HOMER2: variants seen among roughly 807,000 people sequenced by gnomAD.
HOMER2 encodes homer scaffold protein 2, also known as homer protein homolog 2.
Under a neutral mutation model 47.0 loss-of-function variants are expected in HOMER2, and 27 were observed. The ratio of observed to expected loss-of-function variants is 0.57; its 90% CI spans 0.42 to 0.79. The LOEUF is 0.79. HOMER2 is among the 30% of genes least tolerant of loss of function. The pLI is 0.00. For synonymous variants in HOMER2, 161 were observed against 163.8 expected, an observed-to-expected ratio of 0.98 and a Z score of 0.13; for missense variants, 443 against 435.0, an observed-to-expected ratio of 1.02 and a Z score of -0.16.
chr15:82,873,104 C>T (rs1294829266), intron 3 of HOMER2, among the ~76,000 whole-genome samples: 8 of 152,114 alleles, frequency 5.3e-5, no homozygotes, highest in African/African-American at 1.9e-4. Context: ...GAAAAAGGCA[C>T]CAAATGGCCT....
At chr15:82,864,115 G>T in intron 4 of HOMER2, 52 bp downstream of exon 4, 1 of 1,146,874 alleles carries the variant, frequency 8.7e-7, no homozygotes, top group Non-Finnish European at 1.3e-6. Flanking sequence ...AAGGAACAAA[G>T]AGTCCCTATC....
intron 1 of HOMER2, among the ~76,000 whole-genome samples, chr15:82,928,057 C>T (rs1005951811): frequency 6.6e-6 from 1 of 151,968 alleles, no homozygotes; most frequent in Admixed American, 6.5e-5. Flanking sequence ...GGGATGACTG[C>T]GGGCCCGGCC....
chr15:82,964,308 A>G (rs1023739801), intron 1 of HOMER2, among the ~76,000 whole-genome samples: 1 of 151,812 alleles, frequency 6.6e-6, no homozygotes, highest in Non-Finnish European at 1.5e-5. Context: ...TATCATCACC[A>G]CTCCCTTCCT....
chr15:82,846,491 T>G (rs1275597894), downstream of HOMER2: 1 of 152,228 alleles, frequency 6.6e-6, no homozygotes, highest in Non-Finnish European at 1.5e-5. Flanking sequence ...AGAATTATTT[T>G]CTCTTGGCAC....
intron 5 of HOMER2, among the ~76,000 whole-genome samples, chr15:82,856,558 G>A (rs1021756863): frequency 6.6e-6 from 1 of 152,182 alleles, no homozygotes; most frequent in East Asian, 1.9e-4. Flanking sequence ...GTTCAAGGCT[G>A]TAGTAAGCTA....
intron 1 of HOMER2, among the ~76,000 whole-genome samples, chr15:82,895,343 C>T (rs1338925050): frequency 6.6e-6 from 1 of 152,196 alleles, no homozygotes; most frequent in African/African-American, 2.4e-5. Context: ...GGAAGATTCT[C>T]ACTGTAATTT....
intron 1 of HOMER2, among the ~76,000 whole-genome samples, chr15:82,924,367 T>C (rs1849575160): frequency 6.6e-6 from 1 of 151,316 alleles, no homozygotes; most frequent in Non-Finnish European, 1.5e-5. Context: ...GCCCTTTTTT[T>C]TTTTTTTTTT....
chr15:82,953,037 A>C (rs1026116101), upstream of HOMER2, among the ~76,000 whole-genome samples: 11 of 152,194 alleles, frequency 7.2e-5, no homozygotes, highest in Admixed American at 7.2e-4. Flanking sequence ...CGGGGACTTT[A>C]GGGCTACCTT....
upstream of HOMER2, among the ~76,000 whole-genome samples, chr15:82,953,725 CA>C (rs925036956): frequency 6.6e-6 from 1 of 151,846 alleles, no homozygotes; most frequent in Admixed American, 6.6e-5. Context: ...TACACACACA[CA>C]AAAAAAATTA....
chr15:82,985,034 T>C (rs878855432), intron 1 of HOMER2, among the ~76,000 whole-genome samples: 2 of 152,204 alleles, frequency 1.3e-5, no homozygotes, highest in Admixed American at 6.5e-5. Context: ...TAGGTAGAGA[T>C]GTCACTTTCT....
chr15:82,867,026 T>C (rs531001716), intron 3 of HOMER2, among the ~76,000 whole-genome samples: 1 of 152,140 alleles, frequency 6.6e-6, no homozygotes, highest in African/African-American at 2.4e-5. Flanking sequence ...TATAAAAAAT[T>C]AGCTTATGAC....
At chr15:82,867,664 A>G (rs1039963930) in intron 3 of HOMER2, among the ~76,000 whole-genome samples, 2 of 152,194 alleles carry the variant, frequency 1.3e-5, no homozygotes, top group African/African-American at 4.8e-5. Context: ...TGCTGGCAAG[A>G]TATTTCTGGT....
At chr15:82,940,470 G>A (rs1204111858) in intron 1 of HOMER2, among the ~76,000 whole-genome samples, 2 of 152,194 alleles carry the variant, frequency 1.3e-5, no homozygotes, top group South Asian at 4.1e-4. Flanking sequence ...TGGGCTGGGC[G>A]TGGTGGGTCA....
intron 4 of HOMER2, among the ~76,000 whole-genome samples, chr15:82,860,449 C>A (rs2051738165): frequency 6.6e-6 from 1 of 151,920 alleles, no homozygotes; most frequent in Middle Eastern, 3.2e-3. Context: ...CCTATGGGTA[C>A]AGGAAGGTCC....
chr15:82,853,043 G>A (rs561793736), intron 6 of HOMER2, among the ~76,000 whole-genome samples: 1 of 152,340 alleles, frequency 6.6e-6, no homozygotes, highest in African/African-American at 2.4e-5. Flanking sequence ...AAGTCCCCCC[G>A]AACAGGCAGC....
At chr15:82,855,301 G>C (rs1456226501) in intron 5 of HOMER2, among the ~76,000 whole-genome samples, 5 of 129,296 alleles carry the variant, frequency 3.9e-5, no homozygotes, top group Non-Finnish European at 7.8e-5. Flanking sequence ...ACTCCGGCCT[G>C]GCGACAGAGC....
intron 1 of HOMER2, among the ~76,000 whole-genome samples, chr15:82,967,700 C>A (rs1183450209): frequency 6.6e-6 from 1 of 151,934 alleles, no homozygotes; most frequent in Non-Finnish European, 1.5e-5. Flanking sequence ...ATGGTGAAAC[C>A]CCACCTCTAC....
chr15:82,876,141 C>G (rs1263723026), intron 2 of HOMER2, among the ~76,000 whole-genome samples: 1 of 152,178 alleles, frequency 6.6e-6, no homozygotes, highest in Non-Finnish European at 1.5e-5. Flanking sequence ...ACTGGGGGAG[C>G]AAACACCCTC....
chr15:82,925,371 T>G (rs1480791875), intron 1 of HOMER2, among the ~76,000 whole-genome samples: 1 of 152,162 alleles, frequency 6.6e-6, no homozygotes, highest in African/African-American at 2.4e-5. Context: ...AGAACCTCCA[T>G]GTGGTCCCCT....
Sources: allele counts gnomAD v4.1 joint callset (sites outside exome capture counted in the v4.1 genomes callset), GRCh38; gene constraint gnomAD v4.1.1; transcripts MANE v1.5; gene names NCBI Gene and HGNC (gene_info 2026-07-23, HGNC 2026-07-21).